The following FUT9 variants were observed in gnomAD, a reference collection of about 807,000 sequenced individuals.
FUT9 encodes the protein fucosyltransferase 9.
Under a neutral mutation model 29.7 loss-of-function variants are expected in FUT9, and 15 were observed. The ratio of observed to expected loss-of-function variants is 0.51; its 90% CI spans 0.34 to 0.78. The LOEUF is 0.78. Among genes scored for constraint, FUT9 ranks in the 30% least tolerant of loss-of-function variants. The pLI is 0.01. For synonymous variants in FUT9, 169 were observed against 153.7 expected (o/e 1.10, Z -0.74); for missense variants, 319 against 425.4 (o/e 0.75, Z 2.20).
rs1291956176 is a variant in FUT9, at chr6:96,208,983, C to T, written c.*4748C>T. ...CTTCACTACTATCCACAGTGTTCTC[C>T]CCTTTAGTAATTCATATTGAATATA... is the stretch of plus-strand genomic sequence containing the variant. On this transcript the variant is annotated 3_prime_UTR_variant, in exon 3 of 3. Transcript: ENST00000302103. The T allele has an allele frequency of 6.0e-6, 1 of 166,588 alleles. No homozygotes were observed. The highest frequency in any genetic ancestry group is 1.5e-5 in the Non-Finnish European group (1 of 67,922). 10.3% of individuals were successfully genotyped at this position (166,588 alleles called of 1,614,324 possible).
intron 1 of FUT9, among the ~76,000 whole-genome samples, chr6:96,046,616 G>A (rs889672139): frequency 6.6e-6 from 1 of 152,082 alleles, no homozygotes; most frequent in Non-Finnish European, 1.5e-5. Context: ...TCACTTATTT[G>A]TTAACTTGTG....
chr6:96,141,071 T>A (rs911005441), intron 2 of FUT9, among the ~76,000 whole-genome samples: 2 of 152,220 alleles, frequency 1.3e-5, no homozygotes, highest in Non-Finnish European at 2.9e-5. Context: ...ATTGTTTTCA[T>A]TTCTTTGACT....
chr6:96,043,266 T>C (rs1012412564), intron 1 of FUT9, among the ~76,000 whole-genome samples: 8 of 149,314 alleles, frequency 5.4e-5, no homozygotes, highest in Admixed American at 5.3e-4. Flanking sequence ...TTAGCCAGGA[T>C]GGTCTTGATC....
intron 2 of FUT9, among the ~76,000 whole-genome samples, chr6:96,123,517 C>G (rs913631890): frequency 1.1e-4 from 16 of 152,146 alleles, no homozygotes; most frequent in South Asian, 2.1e-4. Context: ...TTTGATTAAT[C>G]AACTTCCAGA....
chr6:96,192,026 T>A (rs1773521070), intron 2 of FUT9, among the ~76,000 whole-genome samples: 1 of 152,058 alleles, frequency 6.6e-6, no homozygotes, highest in South Asian at 2.1e-4. Context: ...AAACTCTCAA[T>A]AAATTAGGTA....
In FUT9 at chr6:96,114,721, A is replaced by G. The variant is rs555717606; in HGVS notation, c.-9+594A>G. ...CTCTTACTGTTCATTTCACATGATT[A>G]AAAAATAAGGAAGGAGGTAGAATTC... On this transcript the variant is annotated intron_variant, in intron 2 of 2. Transcript: ENST00000302103. Among the ~76,000 whole-genome samples the G allele has an allele frequency of 1.2e-4, 19 of 152,236 alleles. No homozygotes were observed. The East Asian group carries it at 3.3e-3, about 26-fold the overall frequency.
At position 96,112,537 on chromosome 6, in the gene FUT9, G is replaced by A. The variant is rs373490036; in HGVS notation, c.-97-1502G>A. On this transcript the variant is annotated intron_variant, in intron 1 of 2. Transcript: ENST00000302103. ...TATTTTTCTTTCAAGCATAGTCCAA[G>A]GCTATGTAGAAATCCACAAAGAAAT... is the stretch of plus-strand genomic sequence containing the variant. Among the ~76,000 whole-genome samples the A allele has an allele frequency of 3.3e-5, 5 of 152,062 alleles. No individual in the cohort carries two copies. In the South Asian group the frequency reaches 8.3e-4, roughly 25 times the overall value.
At position 96,205,501 on chromosome 6, in the gene FUT9, T is replaced by C. The variant is rs969241808; in HGVS notation, c.*1266T>C. On this transcript the variant is annotated 3_prime_UTR_variant, in exon 3 of 3. Transcript: ENST00000302103. ...ATACATAGCACATATGACCATGATG[T>C]TCAGGGCTTTATAGAACCAAATAAA... The C allele has an allele frequency of 6.0e-6, 1 of 167,052 alleles. No homozygotes were observed. Among genetic ancestry groups the C allele is most frequent in the Non-Finnish European group, 1.5e-5 (1 of 68,102 alleles). 10.3% of individuals were successfully genotyped at this position (167,052 alleles called of 1,614,324 possible).
intron 2 of FUT9, among the ~76,000 whole-genome samples, chr6:96,175,628 C>T (rs1773189950): frequency 6.6e-6 from 1 of 152,102 alleles, no homozygotes; most frequent in African/African-American, 2.4e-5. Flanking sequence ...CTACTCTGCC[C>T]TTCTACCTGA....
intron 1 of FUT9, among the ~76,000 whole-genome samples, chr6:96,060,322 G>C (rs1727905102): frequency 6.6e-6 from 1 of 152,176 alleles, no homozygotes; most frequent in African/African-American, 2.4e-5. Context: ...GAATATTTCA[G>C]TAATAACATT....
chr6:96,124,728 G>A (rs1218851794), intron 2 of FUT9, among the ~76,000 whole-genome samples: 1 of 151,828 alleles, frequency 6.6e-6, no homozygotes, highest in Non-Finnish European at 1.5e-5. Flanking sequence ...ATGACATTCA[G>A]TTTCTGAAAT....
intron 1 of FUT9, among the ~76,000 whole-genome samples, chr6:96,075,475 T>C (rs970545783): frequency 6.6e-6 from 1 of 152,186 alleles, no homozygotes; most frequent in Admixed American, 6.5e-5. Flanking sequence ...CTGACAAATA[T>C]ATATGTATAT....
In FUT9 at chr6:96,090,596, T is replaced by C. The variant is rs114572770; in HGVS notation, c.-97-23443T>C. Among the ~76,000 whole-genome samples the C allele has an allele frequency of 7.8e-3, 1,186 of 151,950 alleles. 25 individuals carry two copies. Among genetic ancestry groups the C allele is most frequent in the African/African-American group, 0.027 (1,131 of 41,488 alleles). On this transcript the variant is annotated intron_variant, in intron 1 of 2. Transcript: ENST00000302103. The stretch of plus-strand genomic sequence containing the variant: ...ACAAAAACTGATGCTAAGTAAAAGA[T>C]ACACATCTCTGGTAAGATTGAGCAG...
rs145670755 is a variant in FUT9, at chr6:96,206,439, A to G, written c.*2204A>G. Reference sequence around the variant, plus strand: ...GATCTAAAGAGGATACACTGCTAACAAGTTTAGAAAGCACCTGCTTTTTTT... The same window carrying G: ...GATCTAAAGAGGATACACTGCTAACGAGTTTAGAAAGCACCTGCTTTTTTT... On this transcript the variant is annotated 3_prime_UTR_variant, in exon 3 of 3. Transcript: ENST00000302103. The G allele has an allele frequency of 6.2e-3, 1,029 of 167,086 alleles. 8 individuals are homozygous for G. The highest frequency in any genetic ancestry group is 8.9e-3 in the Admixed American group (136 of 15,272). The allele number at this position is 167,086 out of a possible 1,614,324, so 10.4% of individuals were successfully genotyped here. A position where few individuals can be genotyped will look rare whatever the true frequency, so the allele number is the denominator to read the frequency against.
At chr6:96,086,468 C>T (rs1771318724) in intron 1 of FUT9, among the ~76,000 whole-genome samples, 1 of 152,150 alleles carries the variant, frequency 6.6e-6, no homozygotes, top group Non-Finnish European at 1.5e-5. Context: ...TGAATCAACT[C>T]ATTTCTCATC....
intron 1 of FUT9, among the ~76,000 whole-genome samples, chr6:96,047,363 A>G (rs1393137598): frequency 6.6e-6 from 1 of 152,176 alleles, no homozygotes; most frequent in Non-Finnish European, 1.5e-5. Flanking sequence ...CTAGGTATAC[A>G]TTTAGTTACA....
At chr6:96,025,459 C>T (rs1035629145) in intron 1 of FUT9, among the ~76,000 whole-genome samples, 1 of 151,788 alleles carries the variant, frequency 6.6e-6, no homozygotes, top group African/African-American at 2.4e-5. Flanking sequence ...ACAGACTTCT[C>T]TCAAATATTT....
In FUT9 at chr6:96,211,140, T is replaced by G. The variant is rs1773928893; in HGVS notation, c.*6905T>G. 6.0e-6 allele frequency: 1 copy of G among 166,816 alleles called. No individual in the cohort carries two copies. The highest frequency in any genetic ancestry group is 2.1e-4 in the South Asian group (1 of 4,830). The allele number at this position is 166,816 out of a possible 1,614,324, so 10.3% of individuals were successfully genotyped here. A position where few individuals can be genotyped will look rare whatever the true frequency, so the allele number is the denominator to read the frequency against. ...AAAACGGAAACAAATAAATACAGCA[T>G]GGAAGCATATATTCATGTTTCCCAT... On this transcript the variant is annotated 3_prime_UTR_variant, in exon 3 of 3. Transcript: ENST00000302103.
chr6:96,100,350 T>A (rs980952930), intron 1 of FUT9, among the ~76,000 whole-genome samples: 2 of 151,878 alleles, frequency 1.3e-5, no homozygotes, highest in Non-Finnish European at 2.9e-5. Flanking sequence ...CTCAAAAATC[T>A]CACAATCTAA....
Sources: allele counts gnomAD v4.1 joint callset (sites outside exome capture counted in the v4.1 genomes callset), GRCh38; gene constraint gnomAD v4.1.1; transcripts MANE v1.5; gene names NCBI Gene and HGNC (gene_info 2026-07-23, HGNC 2026-07-21).